The following USP6NL variants were observed in gnomAD, a reference collection of about 807,000 sequenced individuals.
USP6NL encodes USP6 N-terminal like, also known as USP6 N-terminal-like protein.
A neutral mutation model predicts 61.9 loss-of-function variants in USP6NL; 26 were observed. That is an observed-to-expected ratio of 0.42 (90% CI 0.31 to 0.58). The LOEUF (loss-of-function observed/expected upper bound fraction) is 0.58. USP6NL is among the 20% of genes least tolerant of loss of function. USP6NL has a pLI of 0.16. For synonymous variants in USP6NL, 432 were observed against 390.1 expected (o/e 1.11, Z -1.27); for missense variants, 1,114 against 1,034.3 (o/e 1.08, Z -1.06).
intron 7 of USP6NL, among the ~76,000 whole-genome samples, chr10:11,497,903 A>C (rs927827423): frequency 6.6e-6 from 1 of 152,184 alleles, no homozygotes; most frequent in Non-Finnish European, 1.5e-5. Flanking sequence ...GAACCCATAA[A>C]CCTGAGGGCA....
chr10:11,534,811 G>A (rs991941181), intron 2 of USP6NL, among the ~76,000 whole-genome samples: 1 of 152,122 alleles, frequency 6.6e-6, no homozygotes, highest in Admixed American at 6.5e-5. Flanking sequence ...ACATTATTAT[G>A]ATTATGTAAG....
intron 6 of USP6NL, among the ~76,000 whole-genome samples, chr10:11,508,628 A>G (rs1181269929): frequency 6.6e-6 from 1 of 152,244 alleles, no homozygotes; most frequent in Non-Finnish European, 1.5e-5. Flanking sequence ...TGAAGCAGTA[A>G]AAAGTGTTAA....
intron 2 of USP6NL, among the ~76,000 whole-genome samples, chr10:11,571,419 T>A (rs190124706): frequency 2.0e-5 from 3 of 152,264 alleles, no homozygotes; most frequent in African/African-American, 7.2e-5. Flanking sequence ...CCTTGACTCT[T>A]ACTTAGCATA....
rs1174663805 is a variant in USP6NL at position 11,481,922 on chromosome 10, T to C, written c.926A>G (p.Lys309Arg). ...TTCCATGGACAATTTCATTAGATGTTCTAAGAAAGGATAAGAGAAATGAAA... is the reference window on the plus strand; with the variant it reads ...TTCCATGGACAATTTCATTAGATGTCCTAAGAAAGGATAAGAGAAATGAAA... The part of the protein sequence containing the change: ...MSYTILKLHK[K>R]HLMKLSMEEL... The change falls in exon 14 of 15, where the codon AAA becomes AGA. Residue 309 changes from lysine to arginine, a missense_variant and splice_region_variant. Coordinates refer to ENST00000609104, the MANE Select transcript of USP6NL (RefSeq NM_014688.5). This position sits in a 1 kb window ranked among gnomAD's most constrained non-coding sequence, Gnocchi z 4.4. The C allele has an allele frequency of 1.2e-6, 2 of 1,603,858 alleles. No individual in the cohort carries two copies. The highest frequency in any genetic ancestry group is 8.5e-7 in the Non-Finnish European group (1 of 1,176,108).
At chr10:11,601,816 A>G (rs1242394093) in intron 1 of USP6NL, among the ~76,000 whole-genome samples, 1 of 152,180 alleles carries the variant, frequency 6.6e-6, no homozygotes, top group East Asian at 1.9e-4. Flanking sequence ...GTGGAGAAGG[A>G]GCTGGCTAAC....
chr10:11,492,563 C>T (rs1833747684), intron 8 of USP6NL, among the ~76,000 whole-genome samples: 1 of 152,204 alleles, frequency 6.6e-6, no homozygotes, highest in Admixed American at 6.5e-5. Flanking sequence ...TGGATTTTGG[C>T]CTTGCCTAAT....
rs1372066912 is a variant in USP6NL, at chr10:11,575,531, C to A, written c.4+22100G>T. On this transcript the variant is annotated intron_variant, in intron 2 of 14. Transcript: ENST00000609104. This position sits in a 1 kb window ranked among gnomAD's most constrained non-coding sequence, Gnocchi z 4.2. The stretch of plus-strand genomic sequence containing the variant: ...AGTCAACTATTTCCTCCATACCTGG[C>A]CAGGGAAGAGAGGAGTATCTAAATT... Among the ~76,000 whole-genome samples the A allele has an allele frequency of 6.6e-6, 1 of 152,290 alleles. No individual in the cohort carries two copies. Among genetic ancestry groups the A allele is most frequent in the Non-Finnish European group, 1.5e-5 (1 of 68,006 alleles).
At chr10:11,570,188 C>T (rs187079498) in intron 2 of USP6NL, among the ~76,000 whole-genome samples, 11 of 152,176 alleles carry the variant, frequency 7.2e-5, no homozygotes, top group African/African-American at 2.7e-4. Context: ...AGTACCTCCC[C>T]GCTTGAGGTT....
intron 10 of USP6NL, among the ~76,000 whole-genome samples, chr10:11,486,158 T>TAA (rs3057313): frequency 3.1e-4 from 43 of 139,812 alleles, no homozygotes; most frequent in Admixed American, 9.3e-4. Context: ...AGGGAAACCT[T>TAA]AAAAAAAAAA....
At chr10:11,469,445 C>CG (rs921443530) in intron 14 of USP6NL, among the ~76,000 whole-genome samples, 9 of 152,106 alleles carry the variant, frequency 5.9e-5, no homozygotes, top group Non-Finnish European at 7.4e-5. Flanking sequence ...TAGCAGGGTT[C>CG]GGGGGGGAAG....
At chr10:11,464,494 C>G (rs1832361197) in intron 14 of USP6NL, among the ~76,000 whole-genome samples, 1 of 152,226 alleles carries the variant, frequency 6.6e-6, no homozygotes, top group Non-Finnish European at 1.5e-5. Context: ...TGCCCAAAGG[C>G]TCACCACTAG....
chr10:11,508,678 G>C (rs903137930), intron 6 of USP6NL, among the ~76,000 whole-genome samples: 1 of 152,200 alleles, frequency 6.6e-6, no homozygotes, highest in African/African-American at 2.4e-5. Flanking sequence ...TCTTATTAAC[G>C]TAACGAGCAG....
chr10:11,610,188 T>C (rs531996898), intron 1 of USP6NL, among the ~76,000 whole-genome samples: 1 of 152,326 alleles, frequency 6.6e-6, no homozygotes, highest in South Asian at 2.1e-4. Flanking sequence ...TTTTTTTCTA[T>C]TTGGACATTT....
intron 7 of USP6NL, among the ~76,000 whole-genome samples, chr10:11,493,436 C>T (rs1010092613): frequency 1.3e-5 from 2 of 152,156 alleles, no homozygotes; most frequent in Non-Finnish European, 2.9e-5. Flanking sequence ...CCTGCTTCTC[C>T]CTCTTCCCCT....
intron 2 of USP6NL, among the ~76,000 whole-genome samples, chr10:11,549,019 C>T (rs908147574): frequency 2.6e-5 from 4 of 152,122 alleles, no homozygotes; most frequent in Admixed American, 2.6e-4. Context: ...TTTCTAGTTA[C>T]CAGAATCTAC....
Position 11,537,550 on chromosome 10 carries a change from T to C in USP6NL, c.5-9983A>G, listed in dbSNP as rs1451203728. 6.6e-6 allele frequency among the ~76,000 whole-genome samples: 1 copy of C among 152,246 alleles called. No homozygotes were observed. The highest frequency in any genetic ancestry group is 6.5e-5 in the Admixed American group (1 of 15,284). ...CTTCCCATTCAAAATATTTCTCGTA[T>C]CACCAATAGCATTATTACCATTATT... On this transcript the variant is annotated intron_variant, in intron 2 of 14. Coordinates refer to ENST00000609104, the MANE Select transcript of USP6NL (RefSeq NM_014688.5). This position sits in a 1 kb window ranked among gnomAD's most constrained non-coding sequence, Gnocchi z 5.1.
At chr10:11,567,293 T>C (rs2133556778) in intron 2 of USP6NL, among the ~76,000 whole-genome samples, 1 of 152,342 alleles carries the variant, frequency 6.6e-6, no homozygotes, top group Admixed American at 6.5e-5. Context: ...AAGCAACAAC[T>C]GACTGCAAAA....
chr10:11,538,014 T>C (rs770699915), intron 2 of USP6NL, among the ~76,000 whole-genome samples: 1 of 152,344 alleles, frequency 6.6e-6, no homozygotes, highest in East Asian at 1.9e-4. Context: ...GAGGACAAAT[T>C]GCCAATATTT....
In USP6NL at chr10:11,574,740, G is replaced by C. The variant is rs1588402313; in HGVS notation, c.4+22891C>G. On this transcript the variant is annotated intron_variant, in intron 2 of 14. Transcript: ENST00000609104. The surrounding 1 kb of genome is among the most constrained non-coding windows in gnomAD (Gnocchi z 4.3). ...ATTTTTAACATATCATAAAATATTA[G>C]ATCCCAGAGCAAATCAGAGGCAGTT... 6.6e-6 allele frequency among the ~76,000 whole-genome samples: 1 copy of C among 151,944 alleles called. No individual in the cohort carries two copies. The highest frequency in any genetic ancestry group is 2.1e-4 in the South Asian group (1 of 4,820).
Sources: allele counts gnomAD v4.1 joint callset (sites outside exome capture counted in the v4.1 genomes callset), GRCh38; gene constraint gnomAD v4.1.1; non-coding constraint Gnocchi (gnomAD v3.1); transcripts MANE v1.5; gene names NCBI Gene and HGNC (gene_info 2026-07-23, HGNC 2026-07-21).